GTPBP6: variants seen among roughly 807,000 people sequenced by gnomAD.
GTPBP6 encodes GTP binding protein 6.
GTPBP6 carries 33 observed loss-of-function variants against 28.9 expected under a neutral mutation model. The observed-to-expected ratio is 1.14, with a 90% CI of 0.87 to 1.53. The LOEUF (loss-of-function observed/expected upper bound fraction) is 1.53, where lower values mean the gene tolerates loss of function less well. Ranked by LOEUF, GTPBP6 falls within the 40% of genes most tolerant of loss-of-function variation. The pLI is 0.00. For missense variants in GTPBP6, 507 were observed against 408.3 expected (o/e 1.24, Z -2.08); for synonymous variants, 231 against 192.7 (o/e 1.20, Z -1.65).
exon 7 of GTPBP6, chrX:311,533 G>T (rs2070298735): frequency 6.2e-7 from 1 of 1,612,086 alleles, no homozygotes; most frequent in African/African-American, 1.3e-5. Context: ...AGGGCAGCGT[G>T]CCCGCGTGGG....
At chrX:312,957 C>T (rs760178447) in intron 5 of GTPBP6, 33 bp from the exon 6 acceptor site, 2 of 1,591,342 alleles carry the variant, frequency 1.3e-6, no homozygotes, top group East Asian at 2.2e-5. Flanking sequence ...AGGCGGTGAG[C>T]CACGCCGGGA....
At chrX:311,343 C>CTT (rs1556031798) in intron 7 of GTPBP6, 76 bp downstream of exon 7, 40 of 653,966 alleles carry the variant, frequency 6.1e-5, no homozygotes, top group African/African-American at 2.3e-4. Context: ...CGACCCCTGG[C>CTT]TGTGTGTGTC....
At chrX:316,698 C>T (rs1401176858) in intron 2 of GTPBP6, among the ~76,000 whole-genome samples, 2 of 152,122 alleles carry the variant, frequency 1.3e-5, no homozygotes, top group Non-Finnish European at 2.9e-5. Flanking sequence ...CAGTTTAAGT[C>T]TCTCCAGGGC....
At chrX:306,609 T>C (rs1164092635) in intron 9 of GTPBP6, among the ~76,000 whole-genome samples, 2 of 150,980 alleles carry the variant, frequency 1.3e-5, no homozygotes, top group African/African-American at 4.9e-5. Flanking sequence ...ACCTGTTGTA[T>C]GCAGTCAGAA....
At position 307,335 on chromosome X, in the gene GTPBP6, T is replaced by C. The variant is rs770925943; in HGVS notation, c.1427+25A>G. ...GACAGGCATCCAAAGCACCATCCCGTCTCCTGCCCCTGCAGGCCGCTCACC... is the reference window on the plus strand; with the variant it reads ...GACAGGCATCCAAAGCACCATCCCGCCTCCTGCCCCTGCAGGCCGCTCACC... On this transcript the variant is annotated intron_variant, in intron 9 of 9. Transcript: ENST00000326153. The C allele has an allele frequency of 2.5e-6, 4 of 1,608,744 alleles. No individual in the cohort carries two copies. The Admixed American group carries it at 5.0e-5, about 20-fold the overall frequency.
chrX:307,970 G>C, intron 7 of GTPBP6, 90 bp from the exon 8 acceptor site: 1 of 1,178,038 alleles, frequency 8.5e-7, no homozygotes, highest in Non-Finnish European at 1.1e-6. Flanking sequence ...GCTCACACGA[G>C]CTCCCAACGA....
At chrX:317,806 C>A (rs1287994855) in intron 1 of GTPBP6, among the ~76,000 whole-genome samples, 1 of 141,614 alleles carries the variant, frequency 7.1e-6, no homozygotes, top group African/African-American at 2.7e-5. Context: ...ACCCCATAGG[C>A]CCCTCCCCCG....
chrX:312,372 G>C (rs1017271382), intron 6 of GTPBP6: 1 of 474,940 alleles, frequency 2.1e-6, no homozygotes, highest in African/African-American at 2.1e-5. Context: ...ACAGAGGAGA[G>C]GTGATGGTGT....
At position 305,773 on chromosome X, in the gene GTPBP6, C is replaced by T. The variant is rs763016457; in HGVS notation, c.1428-576G>A. On this transcript the variant is annotated intron_variant, in intron 9 of 9. Transcript: ENST00000326153. ...CCGAGTAGCTGGGACTACAGGTGCC[C>T]GCCACTGCGCCCGGCTAATTTTTTG... is the stretch of plus-strand genomic sequence containing the variant. Among the ~76,000 whole-genome samples, 668 of 146,894 alleles carry T rather than the reference C, an allele frequency of 4.5e-3. 22 individuals carry two copies. Among genetic ancestry groups the T allele is most frequent in the African/African-American group, 0.016 (623 of 39,162 alleles).
chrX:305,751 A>C (rs1480662920), intron 9 of GTPBP6, among the ~76,000 whole-genome samples: 6 of 148,830 alleles, frequency 4.0e-5, no homozygotes, highest in African/African-American at 1.3e-4. Flanking sequence ...TAGCCTCCCG[A>C]GTAGCTGGGA....
chrX:312,069 CAG>C (rs1205391628), intron 6 of GTPBP6: 5 of 450,324 alleles, frequency 1.1e-5, no homozygotes, highest in South Asian at 1.8e-5. Flanking sequence ...ATGGTGTAGA[CAG>C]AGGAGAGGCG....
At chrX:305,901 G>A (rs1569345506) in intron 9 of GTPBP6, among the ~76,000 whole-genome samples, 1 of 152,142 alleles carries the variant, frequency 6.6e-6, no homozygotes, top group Non-Finnish European at 1.5e-5. Flanking sequence ...TGGGATTACA[G>A]GTGTGAGCCA....
At chrX:305,904 G>A (rs1226993115) in intron 9 of GTPBP6, among the ~76,000 whole-genome samples, 11 of 152,092 alleles carry the variant, frequency 7.2e-5, no homozygotes, top group Non-Finnish European at 1.6e-4. Context: ...GATTACAGGT[G>A]TGAGCCACCC....
rs973158206 is a variant in GTPBP6, at chrX:305,637, T to TA, written c.1428-441_1428-440insT. On this transcript the variant is annotated intron_variant, in intron 9 of 9. Transcript: ENST00000326153. ...CGCCCGGCTTTTTATTTTTTATTTT[T>TA]TTTTTTGAGACAGAGTCTCGCTCTG... Among the ~76,000 whole-genome samples the TA allele has an allele frequency of 4.3e-4, 63 of 148,172 alleles. 2 individuals are homozygous for TA. The highest frequency in any genetic ancestry group is 1.5e-3 in the African/African-American group (60 of 39,068).
At chrX:314,353 C>T (rs754751496) in intron 4 of GTPBP6, 136 bp from the exon 5 acceptor site, 126 of 751,716 alleles carry the variant, frequency 1.7e-4, no homozygotes, top group East Asian at 6.1e-4. Context: ...CCCCGCTCCG[C>T]GTGTAGCTCA....
intron 5 of GTPBP6, among the ~76,000 whole-genome samples, chrX:313,158 C>T (rs1274018163): frequency 6.6e-6 from 1 of 152,200 alleles, no homozygotes. Flanking sequence ...ACGAGGGCTT[C>T]CCGTGACTCG....
chrX:306,710 T>C (rs2070174608), intron 9 of GTPBP6, among the ~76,000 whole-genome samples: 1 of 149,606 alleles, frequency 6.7e-6, no homozygotes, highest in South Asian at 2.1e-4. Context: ...TAGGCACCTG[T>C]TGTATGCACA....
rs1304126029 is a variant in GTPBP6, at chrX:311,752, C to T, written c.917-125G>A. 3 of 773,834 alleles carry T rather than the reference C, an allele frequency of 3.9e-6. No individual in the cohort carries two copies. The Admixed American group carries it at 6.4e-5, about 16-fold the overall frequency. The allele number at this position is 773,834 out of a possible 1,614,324, so 47.9% of individuals were successfully genotyped here. On this transcript the variant is annotated intron_variant, in intron 6 of 9. Transcript: ENST00000326153. The stretch of plus-strand genomic sequence containing the variant: ...GGGGCCGCACCCCGGGCTACACGGT[C>T]CCTGAGCTCCTCGGGCACCCCGGGC...
intron 9 of GTPBP6, among the ~76,000 whole-genome samples, chrX:306,516 G>A (rs28366905): frequency 6.9e-6 from 1 of 145,916 alleles, no homozygotes; most frequent in Non-Finnish European, 1.5e-5. Flanking sequence ...TGCACAGTCA[G>A]AAATGTACAT....
Sources: gnomAD v4.1 joint callset for allele counts (sites outside exome capture counted in the v4.1 genomes callset) on GRCh38, gnomAD v4.1.1 for gene constraint, MANE v1.5 for transcripts, NCBI Gene and HGNC (gene_info 2026-07-23, HGNC 2026-07-21) for gene names.